CDH13: variants seen among roughly 807,000 people sequenced by gnomAD.
CDH13 encodes the protein cadherin-13.
Under a neutral mutation model 63.8 loss-of-function variants are expected in CDH13, and 24 were observed. The observed-to-expected ratio is 0.38, with a 90% CI of 0.27 to 0.53. The LOEUF is 0.53. CDH13 is among the 20% of genes least tolerant of loss of function. The probability of loss-of-function intolerance (pLI) is 0.85; values close to 1 mark genes in which losing one functional copy is unlikely to be tolerated. For missense variants in CDH13, 1,049 were observed against 903.1 expected (o/e 1.16, Z -2.07); for synonymous variants, 503 against 355.3 (o/e 1.42, Z -4.67).
At chr16:82,639,070 T>A (rs1909059432) in intron 1 of CDH13, among the ~76,000 whole-genome samples, 1 of 152,204 alleles carries the variant, frequency 6.6e-6, no homozygotes, top group Non-Finnish European at 1.5e-5. Context: ...TTTGGACCCA[T>A]GCGTCTTTAT....
chr16:83,361,503 C>G (rs772829062), intron 6 of CDH13, among the ~76,000 whole-genome samples: 1 of 152,170 alleles, frequency 6.6e-6, no homozygotes, highest in Non-Finnish European at 1.5e-5. Context: ...AATTATTTCC[C>G]AAGGCCAATG....
chr16:82,633,001 C>T (rs539120976), intron 1 of CDH13, among the ~76,000 whole-genome samples: 1 of 152,300 alleles, frequency 6.6e-6, no homozygotes, highest in Admixed American at 6.5e-5. Flanking sequence ...CACGGCTGAT[C>T]TGACAGGAGG....
chr16:83,019,408 G>A (rs758333811), intron 2 of CDH13, among the ~76,000 whole-genome samples: 2 of 151,802 alleles, frequency 1.3e-5, no homozygotes, highest in African/African-American at 2.4e-5. Context: ...GTTATAACAC[G>A]CATGGAGCCA....
At chr16:83,560,838 T>G (rs1378128177) in intron 7 of CDH13, among the ~76,000 whole-genome samples, 1 of 151,960 alleles carries the variant, frequency 6.6e-6, no homozygotes. Context: ...CTTTGGGGTA[T>G]GCCCACCTCT....
At chr16:83,443,308 C>G (rs757633406) in intron 6 of CDH13, among the ~76,000 whole-genome samples, 2 of 152,116 alleles carry the variant, frequency 1.3e-5, no homozygotes, top group Non-Finnish European at 2.9e-5. Context: ...CCTTCCGCAA[C>G]AGGTGTTCAG....
At chr16:83,487,663 G>T (rs1431032932) in intron 7 of CDH13, among the ~76,000 whole-genome samples, 1 of 152,130 alleles carries the variant, frequency 6.6e-6, no homozygotes, top group Non-Finnish European at 1.5e-5. Context: ...TACCATTCTG[G>T]AATTCCCTGC....
chr16:82,999,810 G>A (rs186060449), intron 2 of CDH13, among the ~76,000 whole-genome samples: 2 of 152,250 alleles, frequency 1.3e-5, no homozygotes, highest in Admixed American at 6.5e-5. Flanking sequence ...ATAAGATGAG[G>A]CTAATGACGC....
intron 10 of CDH13, among the ~76,000 whole-genome samples, chr16:83,733,845 T>G (rs1339188604): frequency 6.6e-6 from 1 of 152,186 alleles, no homozygotes; most frequent in African/African-American, 2.4e-5. Flanking sequence ...GACACCACCA[T>G]GCCTTGGCGT....
intron 1 of CDH13, among the ~76,000 whole-genome samples, chr16:82,779,084 G>A (rs977041118): frequency 4.6e-5 from 7 of 152,162 alleles, no homozygotes; most frequent in Non-Finnish European, 8.8e-5. Context: ...GGAGGGAGAA[G>A]GGTAAAGCTT....
At chr16:83,585,428 G>A (rs1213142935) in intron 7 of CDH13, among the ~76,000 whole-genome samples, 2 of 152,258 alleles carry the variant, frequency 1.3e-5, no homozygotes, top group South Asian at 2.1e-4. Flanking sequence ...GGCTTGACAC[G>A]AGGGGGCCCC....
chr16:83,513,267 C>G (rs539016007), intron 7 of CDH13, among the ~76,000 whole-genome samples: 1 of 152,268 alleles, frequency 6.6e-6, no homozygotes, highest in South Asian at 2.1e-4. Flanking sequence ...CAGCCGCTGA[C>G]TCAGCCCCTG....
chr16:83,015,282 T>C (rs903376010), intron 2 of CDH13, among the ~76,000 whole-genome samples: 10 of 151,984 alleles, frequency 6.6e-5, no homozygotes, highest in Admixed American at 5.3e-4. Flanking sequence ...AAAGGATGTA[T>C]ACCTATTTAA....
At chr16:82,741,866 T>G (rs1275331558) in intron 1 of CDH13, among the ~76,000 whole-genome samples, 1 of 152,196 alleles carries the variant, frequency 6.6e-6, no homozygotes, top group South Asian at 2.1e-4. Flanking sequence ...TTTCAGGGAT[T>G]TTTATCATTT....
intron 6 of CDH13, among the ~76,000 whole-genome samples, chr16:83,373,915 C>T (rs139818975): frequency 9.6e-4 from 146 of 152,220 alleles, no homozygotes; most frequent in African/African-American, 3.5e-3. Context: ...GCAGGCAACC[C>T]GAAAGGGAAG....
intron 5 of CDH13, among the ~76,000 whole-genome samples, chr16:83,283,480 A>G (rs2151858513): frequency 6.6e-6 from 1 of 152,248 alleles, no homozygotes; most frequent in South Asian, 2.1e-4. Flanking sequence ...AATCCCAACT[A>G]CTTGGGAGGC....
chr16:83,498,534 A>G (rs2074199884), intron 7 of CDH13, among the ~76,000 whole-genome samples: 1 of 152,192 alleles, frequency 6.6e-6, no homozygotes. Flanking sequence ...ACATATCACC[A>G]TGTGTCAGTC....
At chr16:83,275,347 G>C (rs969918944) in intron 5 of CDH13, among the ~76,000 whole-genome samples, 1 of 152,118 alleles carries the variant, frequency 6.6e-6, no homozygotes, top group African/African-American at 2.4e-5. Flanking sequence ...ATGGCTGTTG[G>C]GTCATGTCCA....
At chr16:83,424,749 G>A (rs554118373) in intron 6 of CDH13, among the ~76,000 whole-genome samples, 2 of 152,146 alleles carry the variant, frequency 1.3e-5, no homozygotes, top group South Asian at 2.1e-4. Flanking sequence ...TCTCTCGACT[G>A]TAGTTATTTC....
At chr16:82,983,854 A>G (rs1000549534) in intron 2 of CDH13, among the ~76,000 whole-genome samples, 6 of 152,232 alleles carry the variant, frequency 3.9e-5, no homozygotes, top group Admixed American at 1.3e-4. Context: ...GGATTTGCTC[A>G]TGGACCTTTC....
Sources: allele counts gnomAD v4.1 joint callset (sites outside exome capture counted in the v4.1 genomes callset), GRCh38; gene constraint gnomAD v4.1.1; transcripts MANE v1.5; gene names NCBI Gene and HGNC (gene_info 2026-07-23, HGNC 2026-07-21).